KCNB2: variants seen among roughly 807,000 people sequenced by gnomAD.
KCNB2 encodes potassium voltage-gated channel subfamily B member 2.
A neutral mutation model predicts 61.5 loss-of-function variants in KCNB2; 15 were observed. That is an observed-to-expected ratio of 0.24 (90% confidence interval 0.16 to 0.38). The LOEUF (loss-of-function observed/expected upper bound fraction) is 0.38. Ranked by LOEUF, KCNB2 falls within the 10% of genes least tolerant of loss-of-function variation. The pLI is 1.00. For missense variants in KCNB2, 828 were observed against 1,125.2 expected (o/e 0.74, Z 3.78); for synonymous variants, 457 against 446.0 (o/e 1.02, Z -0.31).
intron 1 of KCNB2, among the ~76,000 whole-genome samples, chr8:72,560,200 C>T (rs1297142163): frequency 6.6e-6 from 1 of 152,162 alleles, no homozygotes; most frequent in Non-Finnish European, 1.5e-5. Flanking sequence ...AATATTACTA[C>T]TAAACATTTC....
intron 2 of KCNB2, among the ~76,000 whole-genome samples, chr8:72,642,002 A>C (rs1376281868): frequency 6.6e-6 from 1 of 152,054 alleles, no homozygotes; most frequent in East Asian, 1.9e-4. Context: ...TGAACATAGG[A>C]CTCTGCTAAG....
intron 2 of KCNB2, among the ~76,000 whole-genome samples, chr8:72,776,805 A>C (rs1585887246): frequency 6.6e-6 from 1 of 152,160 alleles, no homozygotes; most frequent in South Asian, 2.1e-4. Flanking sequence ...CTCCGGAGCA[A>C]AGGTCTTTAG....
chr8:72,887,666 C>G (rs959782843), intron 2 of KCNB2, among the ~76,000 whole-genome samples: 4 of 152,210 alleles, frequency 2.6e-5, no homozygotes, highest in African/African-American at 9.6e-5. Context: ...AGAGATATTT[C>G]AAGCCTCTAC....
intron 1 of KCNB2, among the ~76,000 whole-genome samples, chr8:72,566,716 A>AG (rs545725216): frequency 1.6e-4 from 25 of 152,048 alleles, no homozygotes; most frequent in Admixed American, 5.2e-4. Flanking sequence ...ATTTCAAAAA[A>AG]AAAAAAAAAG....
chr8:72,575,514 A>G (rs1177614276), intron 2 of KCNB2, among the ~76,000 whole-genome samples: 1 of 152,090 alleles, frequency 6.6e-6, no homozygotes, highest in Non-Finnish European at 1.5e-5. Flanking sequence ...CAGAGAACCT[A>G]TAGGATTGTT....
chr8:72,597,446 A>G (rs1394968109), intron 2 of KCNB2, among the ~76,000 whole-genome samples: 5 of 152,226 alleles, frequency 3.3e-5, no homozygotes, highest in African/African-American at 1.2e-4. Flanking sequence ...TTGTTTTCAG[A>G]TGAAGCATCT....
intron 2 of KCNB2, among the ~76,000 whole-genome samples, chr8:72,779,463 C>T (rs1808719273): frequency 6.7e-6 from 1 of 149,640 alleles, no homozygotes; most frequent in South Asian, 2.1e-4. Context: ...AAACCAGATG[C>T]CTTCCTGCCA....
chr8:72,771,679 A>G (rs1175922647), intron 2 of KCNB2, among the ~76,000 whole-genome samples: 1 of 152,092 alleles, frequency 6.6e-6, no homozygotes, highest in Admixed American at 6.6e-5. Context: ...AGACCAAGGA[A>G]ACCTCTGGGA....
intron 2 of KCNB2, among the ~76,000 whole-genome samples, chr8:72,635,461 G>C (rs2128985279): frequency 6.6e-6 from 1 of 152,282 alleles, no homozygotes; most frequent in South Asian, 2.1e-4. Context: ...TGGTTGACAG[G>C]AAAGGCCCCA....
intron 2 of KCNB2, among the ~76,000 whole-genome samples, chr8:72,770,994 G>C (rs770939821): frequency 4.5e-4 from 69 of 152,318 alleles, no homozygotes; most frequent in Non-Finnish European, 7.5e-4. Flanking sequence ...TAGGAACTCA[G>C]CTACATTTGT....
chr8:72,561,794 T>A, intron 1 of KCNB2, among the ~76,000 whole-genome samples: 1 of 125,434 alleles, frequency 8.0e-6, no homozygotes, highest in African/African-American at 3.0e-5. Flanking sequence ...TATATACATA[T>A]ATATATATAT....
intron 1 of KCNB2, among the ~76,000 whole-genome samples, chr8:72,548,903 C>T (rs1341871875): frequency 1.3e-5 from 2 of 152,146 alleles, no homozygotes; most frequent in African/African-American, 4.8e-5. Flanking sequence ...TAGGTCACTT[C>T]ATTAATGAGA....
chr8:72,573,624 G>C (rs940940625), intron 2 of KCNB2, among the ~76,000 whole-genome samples: 23 of 151,308 alleles, frequency 1.5e-4, no homozygotes, highest in Non-Finnish European at 4.4e-5. Context: ...GTACCACGCA[G>C]TGCTATCCTC....
At chr8:72,899,871 T>C (rs1806058421) in intron 2 of KCNB2, among the ~76,000 whole-genome samples, 1 of 152,112 alleles carries the variant, frequency 6.6e-6, no homozygotes, top group South Asian at 2.1e-4. Flanking sequence ...TAAAATTTCA[T>C]ATGAAGCCAG....
intron 2 of KCNB2, among the ~76,000 whole-genome samples, chr8:72,805,333 G>T (rs560234687): frequency 2.0e-5 from 3 of 152,142 alleles, no homozygotes; most frequent in Non-Finnish European, 2.9e-5. Context: ...TTTGGCCATG[G>T]TTCTAATCAG....
chr8:72,696,206 T>C, intron 2 of KCNB2, among the ~76,000 whole-genome samples: 1 of 152,156 alleles, frequency 6.6e-6, no homozygotes, highest in East Asian at 1.9e-4. Flanking sequence ...GCTAAGTGCT[T>C]GGGCAAGAGT....
At chr8:72,915,073 T>G (rs1188101656) in intron 2 of KCNB2, among the ~76,000 whole-genome samples, 2 of 151,762 alleles carry the variant, frequency 1.3e-5, no homozygotes, top group Non-Finnish European at 2.9e-5. Context: ...CCCCGCTAAT[T>G]TTTTTTGTAT....
intron 2 of KCNB2, among the ~76,000 whole-genome samples, chr8:72,787,658 A>G (rs1808865874): frequency 1.3e-5 from 2 of 152,160 alleles, no homozygotes; most frequent in African/African-American, 4.8e-5. Context: ...TAGATTTCAG[A>G]GTAAAGTTTT....
At chr8:72,743,312 C>T (rs1807997892) in intron 2 of KCNB2, among the ~76,000 whole-genome samples, 1 of 152,160 alleles carries the variant, frequency 6.6e-6, no homozygotes, top group African/African-American at 2.4e-5. Context: ...ATAAATGTGG[C>T]AATATTCTAG....
Sources: gnomAD v4.1 joint callset for allele counts (sites outside exome capture counted in the v4.1 genomes callset) on GRCh38, gnomAD v4.1.1 for gene constraint, MANE v1.5 for transcripts, NCBI Gene and HGNC (gene_info 2026-07-23, HGNC 2026-07-21) for gene names.